The following CSDC2 variants were observed in gnomAD, a reference collection of about 807,000 sequenced individuals.
CSDC2 encodes the protein cold shock domain containing C2.
CSDC2 carries 8 observed loss-of-function variants against 15.8 expected under a neutral mutation model. That is an observed-to-expected ratio of 0.51 (90% CI 0.30 to 0.92). CSDC2 has a LOEUF of 0.92. Among genes scored for constraint, CSDC2 ranks in the 40% least tolerant of loss-of-function variants. The probability of loss-of-function intolerance (pLI) is 0.07; values close to 1 mark genes in which losing one functional copy is unlikely to be tolerated. For missense variants in CSDC2, 195 were observed against 213.3 expected, an observed-to-expected ratio of 0.91 and a Z score of 0.53; for synonymous variants, 96 against 92.3, an observed-to-expected ratio of 1.04 and a Z score of -0.23.
chr22:41,573,824 C>T (rs1375855344), intron 3 of CSDC2, 47 bp downstream of exon 3: 1 of 1,574,936 alleles, frequency 6.3e-7, no homozygotes, highest in African/African-American at 1.4e-5. Context: ...CCTAGTGTCC[C>T]CAATGGTGCC....
intron 1 of CSDC2, among the ~76,000 whole-genome samples, chr22:41,570,986 A>C (rs2067142705): frequency 6.6e-6 from 1 of 151,022 alleles, no homozygotes; most frequent in Non-Finnish European, 1.5e-5. Flanking sequence ...ATGTCTCAAA[A>C]AAAAAAAAAA....
intron 2 of CSDC2, 142 bp downstream of exon 2, chr22:41,572,283 C>G: frequency 3.3e-6 from 2 of 604,236 alleles, no homozygotes; most frequent in Non-Finnish European, 4.9e-6. Flanking sequence ...GGATGTTTGT[C>G]CCATACATCC....
chr22:41,573,311 C>T (rs1238661410), intron 2 of CSDC2, among the ~76,000 whole-genome samples: 1 of 151,680 alleles, frequency 6.6e-6, no homozygotes, highest in Admixed American at 6.6e-5. Context: ...GCTGAGATTG[C>T]ACCCCTGCAC....
At chr22:41,572,431 T>C (rs1310790774) in intron 2 of CSDC2, among the ~76,000 whole-genome samples, 7 of 116,582 alleles carry the variant, frequency 6.0e-5, no homozygotes, top group Non-Finnish European at 1.3e-4. Flanking sequence ...CATCCATCCA[T>C]CCACCTGTCC....
chr22:41,566,626 G>A (rs1402965444), intron 1 of CSDC2, among the ~76,000 whole-genome samples: 34 of 119,126 alleles, frequency 2.9e-4, no homozygotes, highest in African/African-American at 1.0e-3. Flanking sequence ...GTGAGACTCT[G>A]TCTCAAAAAA....
At position 41,570,692 on chromosome 22, in the gene CSDC2, G is replaced by T. The variant is rs758036350; in HGVS notation, c.-123-1151G>T. ...CACAAATTAGCCAGGCGTGTTGGCA[G>T]GCACCTGTAATCCCAGCTACTTGGG... On this transcript the variant is annotated intron_variant, in intron 1 of 3. Transcript: ENST00000306149. Among the ~76,000 whole-genome samples the T allele has an allele frequency of 6.7e-4, 102 of 151,652 alleles. 2 individuals are homozygous for T. Among genetic ancestry groups the T allele is most frequent in the Non-Finnish European group, 1.6e-4 (11 of 67,912 alleles).
chr22:41,564,281 A>G (rs916398265), intron 1 of CSDC2, among the ~76,000 whole-genome samples: 1 of 151,054 alleles, frequency 6.6e-6, no homozygotes, highest in Non-Finnish European at 1.5e-5. Context: ...TGTTTTTGAG[A>G]CAGAGTCTTG....
intron 1 of CSDC2, among the ~76,000 whole-genome samples, chr22:41,565,840 T>C (rs1274083290): frequency 6.6e-6 from 1 of 152,150 alleles, no homozygotes; most frequent in African/African-American, 2.4e-5. Flanking sequence ...GGGTCTGGCC[T>C]TCTGCAGGGA....
chr22:41,574,445 T>C (rs1362624084), intron 3 of CSDC2, among the ~76,000 whole-genome samples: 1 of 152,150 alleles, frequency 6.6e-6, no homozygotes, highest in Non-Finnish European at 1.5e-5. Context: ...TTTGTACTTT[T>C]AGTAGAGCCA....
chr22:41,566,578 C>T (rs1220085896), intron 1 of CSDC2, among the ~76,000 whole-genome samples: 1 of 149,448 alleles, frequency 6.7e-6, no homozygotes, highest in African/African-American at 2.5e-5. Context: ...TTGCAGTGAG[C>T]CGAGATCACG....
Position 41,571,934 on chromosome 22 carries a change from A to G in CSDC2, c.-32A>G. On this transcript the variant is annotated 5_prime_UTR_variant, in exon 2 of 4. Coordinates refer to ENST00000306149, the MANE Select transcript of CSDC2 (RefSeq NM_014460.4). ...AACCCCTCACCGGCCCCTGGGCCCC[A>G]GAGCCCACCAGGCTCTCCTGCTGGC... The G allele has an allele frequency of 7.7e-7, 1 of 1,301,340 alleles. No homozygotes were observed. The highest frequency in any genetic ancestry group is 2.4e-5 in the South Asian group (1 of 41,076). 80.6% of individuals were successfully genotyped at this position (1,301,340 alleles called of 1,614,324 possible). A position where few individuals can be genotyped will look rare whatever the true frequency, so the allele number is the denominator to read the frequency against.
chr22:41,571,801 C>T (rs2067146308), intron 1 of CSDC2, 42 bp from the exon 2 acceptor site: 1 of 422,214 alleles, frequency 2.4e-6, no homozygotes, highest in Non-Finnish European at 4.1e-6. Context: ...GGAGCTGCTC[C>T]CCTGGACTAG....
In CSDC2 at chr22:41,576,096, G is replaced by A. The variant is rs1214945620; in HGVS notation, c.*1201G>A. On this transcript the variant is annotated 3_prime_UTR_variant, in exon 4 of 4. Transcript: ENST00000306149. Reference sequence around the variant, plus strand: ...CTAGAGAGCACATCGCCTGACCGGGGAGAAGTGGGGCCGTGGTTCGAGGGA... The same window carrying A: ...CTAGAGAGCACATCGCCTGACCGGGAAGAAGTGGGGCCGTGGTTCGAGGGA... 6.6e-6 allele frequency: 1 copy of A among 152,350 alleles called. No individual in the cohort carries two copies. Among genetic ancestry groups the A allele is most frequent in the Non-Finnish European group, 1.5e-5 (1 of 68,114 alleles). 9.4% of individuals were successfully genotyped at this position (152,350 alleles called of 1,614,324 possible). A position where few individuals can be genotyped will look rare whatever the true frequency, so the allele number is the denominator to read the frequency against.
At chr22:41,563,947 G>A (rs1459162424) in intron 1 of CSDC2, among the ~76,000 whole-genome samples, 1 of 151,194 alleles carries the variant, frequency 6.6e-6, no homozygotes, top group Non-Finnish European at 1.5e-5. Context: ...AACCGAGCGT[G>A]GTGGCGGGCA....
At chr22:41,572,379 C>CCATCCATCCATCCAT (rs2067150878) in intron 2 of CSDC2, among the ~76,000 whole-genome samples, 1 of 43,542 alleles carries the variant, frequency 2.3e-5, no homozygotes, top group African/African-American at 1.2e-4. Context: ...CACCCACCCA[C>CCATCCATCCATCCAT]CCACCCACCC....
At chr22:41,572,557 C>T (rs1281726223) in intron 2 of CSDC2, among the ~76,000 whole-genome samples, 1 of 152,140 alleles carries the variant, frequency 6.6e-6, no homozygotes, top group African/African-American at 2.4e-5. Flanking sequence ...TTACTGAGCT[C>T]CTGACCAGTC....
At chr22:41,574,692 G>A in intron 3 of CSDC2, 41 bp from the exon 4 acceptor site, 1 of 1,603,992 alleles carries the variant, frequency 6.2e-7, no homozygotes, top group Non-Finnish European at 8.5e-7. Flanking sequence ...CTGGGGCACA[G>A]GGCCTGCTGC....
intron 3 of CSDC2, 53 bp from the exon 4 acceptor site, chr22:41,574,680 G>T: frequency 4.4e-6 from 7 of 1,593,092 alleles, no homozygotes; most frequent in South Asian, 2.3e-5. Flanking sequence ...CCACAGGATT[G>T]TCTGGGGCAC....
At chr22:41,567,236 G>C (rs905197300) in intron 1 of CSDC2, among the ~76,000 whole-genome samples, 1 of 152,184 alleles carries the variant, frequency 6.6e-6, no homozygotes, top group Non-Finnish European at 1.5e-5. Flanking sequence ...GGCTGAACCA[G>C]GAACAGAATT....
Sources: allele counts gnomAD v4.1 joint callset (sites outside exome capture counted in the v4.1 genomes callset), GRCh38; gene constraint gnomAD v4.1.1; transcripts MANE v1.5; gene names NCBI Gene and HGNC (gene_info 2026-07-23, HGNC 2026-07-21).